The following FRYL variants were observed in gnomAD, a reference collection of about 807,000 sequenced individuals.
FRYL encodes the protein protein furry homolog-like.
FRYL carries 150 observed loss-of-function variants against 351.2 expected under a neutral mutation model. The ratio of observed to expected loss-of-function variants is 0.43; its 90% CI spans 0.37 to 0.49. FRYL has a LOEUF of 0.49. FRYL is among the 20% of genes least tolerant of loss of function. FRYL has a pLI of 0.00. For missense variants in FRYL, 3,036 were observed against 3,619.3 expected (o/e 0.84, Z 4.13); for synonymous variants, 1,153 against 1,257.1 (o/e 0.92, Z 1.75).
At chr4:48,554,414 C>A (rs1157784607) in intron 35 of FRYL, among the ~76,000 whole-genome samples, 1 of 152,046 alleles carries the variant, frequency 6.6e-6, no homozygotes, top group East Asian at 1.9e-4. Context: ...TCGTGGCTCA[C>A]TGCCACCTCT....
intron 1 of FRYL, among the ~76,000 whole-genome samples, chr4:48,763,342 G>A (rs1179176914): frequency 1.3e-5 from 2 of 151,648 alleles, no homozygotes; most frequent in Admixed American, 6.6e-5. Context: ...TGCAACTGCA[G>A]TCCCAGCTAC....
At chr4:48,697,001 A>C (rs1310901786) in intron 2 of FRYL, among the ~76,000 whole-genome samples, 3 of 152,088 alleles carry the variant, frequency 2.0e-5, no homozygotes, top group Non-Finnish European at 4.4e-5. Context: ...CTCCAAAAAA[A>C]GTCAATTACA....
intron 3 of FRYL, chr4:48,636,908 A>G (rs868343452): frequency 1.9e-4 from 29 of 152,092 alleles, no homozygotes; most frequent in Admixed American, 3.3e-4. Flanking sequence ...ATAATCTAAT[A>G]AACAGAATGC....
At chr4:48,723,971 A>AAC (rs1295461431) in intron 1 of FRYL, among the ~76,000 whole-genome samples, 9 of 147,564 alleles carry the variant, frequency 6.1e-5, no homozygotes, top group East Asian at 5.8e-4. Flanking sequence ...TAATAATAAC[A>AAC]AAAAAAATTA....
chr4:48,512,348 C>T lies in FRYL; in HGVS notation c.8145+133G>A. 4.7e-6 allele frequency: 3 copies of T among 634,434 alleles called. No individual in the cohort carries two copies. The East Asian group carries it at 8.3e-5, about 18-fold the overall frequency. 39.3% of individuals were successfully genotyped at this position (634,434 alleles called of 1,614,324 possible). On this transcript the variant is annotated intron_variant, in intron 57 of 63. Transcript: ENST00000358350. ...TGTCACAGTGTCAATGTAAGTAATA[C>T]CATTAGCTTAGAAAAAAAAAATTTG...
intron 1 of FRYL, among the ~76,000 whole-genome samples, chr4:48,768,034 C>T (rs571726026): frequency 2.6e-5 from 4 of 152,324 alleles, no homozygotes; most frequent in Admixed American, 2.0e-4. Context: ...AAGCACCTTG[C>T]ATTAAACCTC....
chr4:48,649,635 T>TGTTCC (rs1226645350), intron 3 of FRYL, among the ~76,000 whole-genome samples: 1 of 152,214 alleles, frequency 6.6e-6, no homozygotes, highest in Non-Finnish European at 1.5e-5. Flanking sequence ...TTTAACAGAA[T>TGTTCC]GTTCCTGATT....
intron 3 of FRYL, among the ~76,000 whole-genome samples, chr4:48,669,104 GTTTT>G (rs1762230757): frequency 6.6e-6 from 1 of 151,640 alleles, no homozygotes; most frequent in African/African-American, 2.4e-5. Context: ...ATTTTAGTAT[GTTTT>G]ACTTGCTATT....
intron 45 of FRYL, 141 bp downstream of exon 45, chr4:48,541,886 C>A (rs758771238): frequency 8.1e-6 from 5 of 615,652 alleles, no homozygotes; most frequent in African/African-American, 1.8e-5. Flanking sequence ...TCACTGTCTG[C>A]GGCCCATCTC....
intron 1 of FRYL, among the ~76,000 whole-genome samples, chr4:48,778,553 G>A (rs529034909): frequency 3.0e-4 from 45 of 152,334 alleles, no homozygotes; most frequent in African/African-American, 1.1e-3. Flanking sequence ...TGCACAAGAA[G>A]AAACTGTCAA....
intron 1 of FRYL, among the ~76,000 whole-genome samples, chr4:48,723,595 A>C (rs1393616538): frequency 1.3e-5 from 2 of 152,048 alleles, no homozygotes; most frequent in African/African-American, 4.8e-5. Flanking sequence ...CCCACATCTA[A>C]TCCAACAACA....
Position 48,614,815 on chromosome 4 carries a change from C to CTTTTTTTT in FRYL, c.411+4451_411+4458dup, listed in dbSNP as rs369399363. Among the ~76,000 whole-genome samples, 22 of 67,962 alleles carry CTTTTTTTT rather than the reference C, an allele frequency of 3.2e-4. 1 individual carries two copies. Among genetic ancestry groups the CTTTTTTTT allele is most frequent in the African/African-American group, 1.3e-3 (21 of 16,698 alleles). 44.6% of individuals were successfully genotyped at this position (67,962 alleles called of 152,430 possible). A position where few individuals can be genotyped will look rare whatever the true frequency, so the allele number is the denominator to read the frequency against. On this transcript the variant is annotated intron_variant, in intron 7 of 63. Coordinates refer to ENST00000358350, the MANE Select transcript of FRYL (RefSeq NM_015030.2). ...CACTACCACTGCCAAAAGTTTAATG[C>CTTTTTTTT]TTTTTTTTTTTTTTTTTTTTTTTTT...
At chr4:48,646,968 G>A (rs948900120) in intron 3 of FRYL, among the ~76,000 whole-genome samples, 2 of 152,094 alleles carry the variant, frequency 1.3e-5, no homozygotes, top group Non-Finnish European at 2.9e-5. Context: ...ATAGACACAC[G>A]GCTAGGGAGG....
At chr4:48,585,771 CA>C (rs750924665) in intron 19 of FRYL, among the ~76,000 whole-genome samples, 3 of 152,188 alleles carry the variant, frequency 2.0e-5, no homozygotes, top group Admixed American at 6.5e-5. Context: ...TTGTAAAGAT[CA>C]AATCAGTGCA....
intron 23 of FRYL, among the ~76,000 whole-genome samples, chr4:48,577,807 T>G (rs919639776): frequency 1.3e-5 from 2 of 151,504 alleles, no homozygotes; most frequent in African/African-American, 4.9e-5. Context: ...GCCCAGAAGT[T>G]CGACATTGCA....
chr4:48,576,766 C>G (rs1739708537), intron 23 of FRYL, among the ~76,000 whole-genome samples: 1 of 151,938 alleles, frequency 6.6e-6, no homozygotes, highest in South Asian at 2.1e-4. Flanking sequence ...TTTATTGGGC[C>G]ATATTTTATA....
Position 48,678,659 on chromosome 4 carries a change from A to AT in FRYL, c.-81+6013dup, listed in dbSNP as rs572417074. Among the ~76,000 whole-genome samples, 501 of 151,092 alleles carry AT rather than the reference A, an allele frequency of 3.3e-3. 3 individuals carry two copies. Among genetic ancestry groups the AT allele is most frequent in the Non-Finnish European group, 5.2e-3 (354 of 67,720 alleles). Reference sequence around the variant, plus strand: ...TTTAATAGTCATTTCCTGAGGTTGAATTTTTTTTTGCTTCCCCATCCTCAG... The same window carrying AT: ...TTTAATAGTCATTTCCTGAGGTTGAATTTTTTTTTTGCTTCCCCATCCTCAG... On this transcript the variant is annotated intron_variant, in intron 3 of 63. Transcript: ENST00000358350.
At chr4:48,574,100 A>G (rs1413722474) in intron 25 of FRYL, among the ~76,000 whole-genome samples, 2 of 152,136 alleles carry the variant, frequency 1.3e-5, no homozygotes, top group Non-Finnish European at 2.9e-5. Context: ...AAAGGGTATG[A>G]ACTTTGTAAA....
In FRYL at chr4:48,549,624, C is replaced by T; in HGVS notation, c.4634-1G>A. The T allele has an allele frequency of 6.2e-7, 1 of 1,607,426 alleles. No homozygotes were observed. The highest frequency in any genetic ancestry group is 8.5e-7 in the Non-Finnish European group (1 of 1,176,276). On this transcript the variant is annotated splice_acceptor_variant, in intron 38 of 63. Transcript: ENST00000358350. LOFTEE classifies it high-confidence loss of function. The surrounding 1 kb of genome is among the most constrained non-coding windows in gnomAD (Gnocchi z 4.2). ...TTAGAATAAAGTGGCATTGAATCAC[C>T]TATCAAGATAAAATGATCTCATTTT...
Sources: allele counts gnomAD v4.1 joint callset (sites outside exome capture counted in the v4.1 genomes callset), GRCh38; gene constraint gnomAD v4.1.1; non-coding constraint Gnocchi (gnomAD v3.1); transcripts MANE v1.5; gene names NCBI Gene and HGNC (gene_info 2026-07-23, HGNC 2026-07-21).